The following CTPS2 variants were observed in gnomAD, a reference collection of about 807,000 sequenced individuals.
The protein encoded by CTPS2 is CTP synthase 2, also known as CTP synthase II.
A neutral mutation model predicts 46.8 loss-of-function variants in CTPS2; 19 were observed. That is an observed-to-expected ratio of 0.41 (90% confidence interval 0.28 to 0.60). CTPS2 has a LOEUF of 0.60. Ranked by LOEUF, CTPS2 falls within the 20% of genes least tolerant of loss-of-function variation. The pLI, the probability that CTPS2 is intolerant of heterozygous loss-of-function variation, is 0.35. For synonymous variants in CTPS2, 151 were observed against 165.2 expected, an observed-to-expected ratio of 0.91 and a Z score of 0.66; for missense variants, 286 against 447.6, an observed-to-expected ratio of 0.64 and a Z score of 3.26.
At chrX:16,650,820 T>C (rs1932582676) in intron 13 of CTPS2, among the ~76,000 whole-genome samples, 1 of 110,674 alleles carries the variant, frequency 9.0e-6, no homozygotes, top group Non-Finnish European at 1.9e-5. Context: ...CTAAGATGCT[T>C]ATTTTTTAAA....
In CTPS2 at chrX:16,705,341, A is replaced by G. The variant is rs780159852; in HGVS notation, c.-39-2400T>C. Among the ~76,000 whole-genome samples the G allele has an allele frequency of 4.4e-5, 5 of 112,602 alleles. No homozygotes were observed. In the South Asian group the frequency reaches 1.1e-3, roughly 25 times the overall value. On this transcript the variant is annotated intron_variant, in intron 1 of 18. Coordinates refer to ENST00000359276, the MANE Select transcript of CTPS2 (RefSeq NM_175859.3). The stretch of plus-strand genomic sequence containing the variant: ...GTCAAAACTACAGCTTTTATTGGAC[A>G]AGAGACTGATTTGAGTAACTTTCTC...
At chrX:16,602,933 A>G (rs925451970) in intron 17 of CTPS2, among the ~76,000 whole-genome samples, 2 of 111,760 alleles carry the variant, frequency 1.8e-5, no homozygotes, top group Non-Finnish European at 3.8e-5. Flanking sequence ...ATTGTCCAAA[A>G]TAAGGCCAGT....
At chrX:16,622,126 C>T (rs73630556) in intron 14 of CTPS2, among the ~76,000 whole-genome samples, 97 of 110,584 alleles carry the variant, frequency 8.8e-4, no homozygotes, top group African/African-American at 3.0e-3. Flanking sequence ...TCAGGAAGGC[C>T]GGGCGCGGTG....
chrX:16,698,376 TCA>T, intron 3 of CTPS2, 40 bp from the exon 4 acceptor site: 1 of 978,190 alleles, frequency 1.0e-6, no homozygotes, highest in Non-Finnish European at 1.5e-6. Flanking sequence ...TATTCCATGC[TCA>T]TGAGAAAAGA....
chrX:16,677,429 G>C (rs768973899), intron 10 of CTPS2, among the ~76,000 whole-genome samples: 2 of 111,238 alleles, frequency 1.8e-5, no homozygotes, highest in African/African-American at 3.3e-5. Context: ...GACTCTAATA[G>C]GGAGGAATGT....
At chrX:16,685,555 G>A (rs1024783649) in intron 8 of CTPS2, among the ~76,000 whole-genome samples, 3 of 110,214 alleles carry the variant, frequency 2.7e-5, no homozygotes, top group African/African-American at 9.9e-5. Context: ...CCCAAGAGTC[G>A]GGTCTCAAGA....
At chrX:16,636,610 T>C in intron 14 of CTPS2, among the ~76,000 whole-genome samples, 1 of 111,088 alleles carries the variant, frequency 9.0e-6, no homozygotes, top group East Asian at 2.9e-4. Flanking sequence ...GGTTGCACAA[T>C]TCTGTGAATG....
intron 14 of CTPS2, among the ~76,000 whole-genome samples, chrX:16,625,266 G>T (rs1931064167): frequency 8.9e-6 from 1 of 112,598 alleles, no homozygotes; most frequent in Non-Finnish European, 1.9e-5. Flanking sequence ...AGGACAATAT[G>T]TTAAGTGAAA....
At chrX:16,597,242 G>A (rs1247674858) in intron 17 of CTPS2, among the ~76,000 whole-genome samples, 1 of 111,626 alleles carries the variant, frequency 9.0e-6, no homozygotes, top group Admixed American at 9.5e-5. Flanking sequence ...CATTGCTTTC[G>A]GTGTTTTACA....
intron 13 of CTPS2, among the ~76,000 whole-genome samples, chrX:16,639,664 T>A (rs913481892): frequency 9.3e-6 from 1 of 108,050 alleles, no homozygotes; most frequent in African/African-American, 3.4e-5. Flanking sequence ...CTATCAGTAC[T>A]TGTACTGTGG....
chrX:16,607,022 G>A (rs1930013278), intron 17 of CTPS2, among the ~76,000 whole-genome samples: 1 of 112,748 alleles, frequency 8.9e-6, no homozygotes, highest in African/African-American at 3.2e-5. Context: ...AAAATGCTGG[G>A]ATTACAGGCG....
intron 14 of CTPS2, among the ~76,000 whole-genome samples, chrX:16,628,959 C>G (rs1931315532): frequency 8.9e-6 from 1 of 112,041 alleles, no homozygotes; most frequent in African/African-American, 3.2e-5. Flanking sequence ...AGGCACTGTT[C>G]TAAGGGCTCC....
intron 14 of CTPS2, among the ~76,000 whole-genome samples, chrX:16,635,534 C>T (rs1023333067): frequency 9.0e-6 from 1 of 110,584 alleles, no homozygotes; most frequent in Admixed American, 9.6e-5. Context: ...ATTAGGAGGG[C>T]GTGGTGGCAC....
At chrX:16,704,729 C>T (rs1387253691) in intron 1 of CTPS2, among the ~76,000 whole-genome samples, 1 of 111,066 alleles carries the variant, frequency 9.0e-6, no homozygotes, top group African/African-American at 3.3e-5. Context: ...GGGCAGATCA[C>T]CTGAGGTCGG....
intron 13 of CTPS2, among the ~76,000 whole-genome samples, chrX:16,666,015 G>A (rs1432036133): frequency 4.4e-5 from 5 of 112,589 alleles, no homozygotes; most frequent in Non-Finnish European, 9.4e-5. Flanking sequence ...GCCTCCCAAA[G>A]TGTTGGGATT....
chrX:16,668,938 A>C (rs192731249), intron 11 of CTPS2, among the ~76,000 whole-genome samples: 101 of 111,224 alleles, frequency 9.1e-4, no homozygotes, highest in Non-Finnish European at 1.4e-3. Flanking sequence ...TAACACCCCA[A>C]CTCAGAGGGA....
chrX:16,707,013 A>G (rs903858054), intron 1 of CTPS2, among the ~76,000 whole-genome samples: 4 of 106,693 alleles, frequency 3.7e-5, no homozygotes, highest in Non-Finnish European at 5.8e-5. Flanking sequence ...ACTGCACTCC[A>G]GCCTGGGCAA....
chrX:16,651,116 A>C (rs1218227629), intron 13 of CTPS2: 4 of 1,101,756 alleles, frequency 3.6e-6, no homozygotes, highest in Non-Finnish European at 4.8e-6. Context: ...CTATTGATTC[A>C]GGCTGAATTC....
In CTPS2 at chrX:16,600,200, A is replaced by AT. The variant is rs778071159; in HGVS notation, c.1692-9339_1692-9338insA. 8.7e-3 allele frequency among the ~76,000 whole-genome samples: 970 copies of AT among 112,090 alleles called. 4 individuals carry two copies. Among genetic ancestry groups the AT allele is most frequent in the Non-Finnish European group, 0.014 (729 of 53,202 alleles). ...CAAGGTGCTAGGGAAAGGGTATAGC[A>AT]ATGCCTCATATAGCCCACCTTTACG... On this transcript the variant is annotated intron_variant, in intron 17 of 18. Transcript: ENST00000359276.
Sources: allele counts gnomAD v4.1 joint callset (sites outside exome capture counted in the v4.1 genomes callset), GRCh38; gene constraint gnomAD v4.1.1; transcripts MANE v1.5; gene names NCBI Gene and HGNC (gene_info 2026-07-23, HGNC 2026-07-21).